RNF220: variants seen among roughly 807,000 people sequenced by gnomAD.
The protein encoded by RNF220 is E3 ubiquitin-protein ligase RNF220.
In RNF220, 7 loss-of-function variants were observed where a neutral mutation model predicts 67.1. The observed-to-expected ratio is 0.10, with a 90% CI of 0.06 to 0.20. The LOEUF is 0.20. Among genes scored for constraint, RNF220 ranks in the 10% least tolerant of loss-of-function variants. The pLI, the probability that RNF220 is intolerant of heterozygous loss-of-function variation, is 1.00. For synonymous variants in RNF220, 270 were observed against 283.2 expected (o/e 0.95, Z 0.47); for missense variants, 565 against 740.3 (o/e 0.76, Z 2.75).
rs567283260 is a variant in RNF220, at chr1:44,646,522, A to T, written c.1445+1034A>T. Among the ~76,000 whole-genome samples the T allele has an allele frequency of 2.6e-5, 4 of 152,302 alleles. No homozygotes were observed. The East Asian group carries it at 7.7e-4, about 29-fold the overall frequency. On this transcript the variant is annotated intron_variant, in intron 12 of 14. Transcript: ENST00000361799. ...TGTGGTGGGGAGGAATGACGTATGG[A>T]TGTTTATTTAATAATTCTCTCCTAC... is the stretch of plus-strand genomic sequence containing the variant.
At chr1:44,490,066 A>G (rs1656712944) in intron 2 of RNF220, among the ~76,000 whole-genome samples, 1 of 152,204 alleles carries the variant, frequency 6.6e-6, no homozygotes, top group South Asian at 2.1e-4. Flanking sequence ...TTGAATTTCT[A>G]TATTATTAAA....
At chr1:44,501,010 G>A (rs879621285) in intron 2 of RNF220, among the ~76,000 whole-genome samples, 9 of 151,584 alleles carry the variant, frequency 5.9e-5, no homozygotes, top group Non-Finnish European at 1.0e-4. Flanking sequence ...CCAACTGAGC[G>A]GGACCCAGCA....
Position 44,645,776 on chromosome 1 carries a change from G to A in RNF220, c.1445+288G>A, listed in dbSNP as rs1644626576. 2.6e-5 allele frequency among the ~76,000 whole-genome samples: 4 copies of A among 152,268 alleles called. No individual in the cohort carries two copies. Among genetic ancestry groups the A allele is most frequent in the Admixed American group, 2.6e-4 (4 of 15,294 alleles). Reference sequence around the variant, plus strand: ...GCGGCCTTCGCCCGGGGAATGTGATGTATGGCCGCCCAGCCCAGCCGGCAC... The same window carrying A: ...GCGGCCTTCGCCCGGGGAATGTGATATATGGCCGCCCAGCCCAGCCGGCAC... On this transcript the variant is annotated intron_variant, in intron 12 of 14. Coordinates refer to ENST00000361799, the MANE Select transcript of RNF220 (RefSeq NM_018150.4). The surrounding 1 kb of genome is among the most constrained non-coding windows in gnomAD (Gnocchi z 5.0).
At chr1:44,526,931 G>A (rs191509920) in intron 2 of RNF220, among the ~76,000 whole-genome samples, 103 of 151,998 alleles carry the variant, frequency 6.8e-4, no homozygotes, top group African/African-American at 2.3e-3. Context: ...TCATCTCTTT[G>A]GATCTTATCT....
At chr1:44,470,499 T>A (rs763664421) in intron 2 of RNF220, among the ~76,000 whole-genome samples, 1 of 152,238 alleles carries the variant, frequency 6.6e-6, no homozygotes, top group Non-Finnish European at 1.5e-5. Flanking sequence ...AATTCCCCCT[T>A]CTTCGAGACC....
intron 3 of RNF220, among the ~76,000 whole-genome samples, chr1:44,617,888 G>A (rs1254168924): frequency 1.4e-5 from 2 of 146,748 alleles, no homozygotes; most frequent in Non-Finnish European, 3.0e-5. Context: ...TCTCCTCTCT[G>A]CCCCAGCCCT....
chr1:44,408,100 G>A (rs923477819), intron 1 of RNF220, among the ~76,000 whole-genome samples: 1 of 152,202 alleles, frequency 6.6e-6, no homozygotes, highest in Non-Finnish European at 1.5e-5. Flanking sequence ...AAGAGTAGTG[G>A]GCTCGGCTCC....
intron 2 of RNF220, among the ~76,000 whole-genome samples, chr1:44,457,275 A>G (rs192619674): frequency 1.3e-5 from 2 of 152,348 alleles, no homozygotes; most frequent in African/African-American, 4.8e-5. Flanking sequence ...TAACATTTCA[A>G]TAGGGAAACA....
At chr1:44,510,600 G>A (rs971443149) in intron 2 of RNF220, among the ~76,000 whole-genome samples, 24 of 152,120 alleles carry the variant, frequency 1.6e-4, no homozygotes, top group African/African-American at 5.6e-4. Context: ...ACTGCTCAAA[G>A]AAGCCTTTCT....
chr1:44,458,082 C>A (rs150985062), intron 2 of RNF220, among the ~76,000 whole-genome samples: 2,458 of 146,010 alleles, frequency 0.017, 40 homozygotes, highest in South Asian at 0.05. Context: ...CATAGCAAGA[C>A]CCTCCCTCTA....
At chr1:44,408,938 G>A (rs573949587) in intron 1 of RNF220, 1 of 152,374 alleles carries the variant, frequency 6.6e-6, no homozygotes, top group South Asian at 2.1e-4. Flanking sequence ...GGACTGGGAT[G>A]GGAGATTACC....
At chr1:44,609,664 C>T (rs1459244225) in intron 2 of RNF220, among the ~76,000 whole-genome samples, 1 of 152,232 alleles carries the variant, frequency 6.6e-6, no homozygotes, top group Non-Finnish European at 1.5e-5. Flanking sequence ...CCCCGGGTAC[C>T]TGAGGCCTTG....
intron 2 of RNF220, among the ~76,000 whole-genome samples, chr1:44,535,482 T>C (rs1270159978): frequency 2.0e-5 from 3 of 152,190 alleles, no homozygotes; most frequent in Non-Finnish European, 4.4e-5. Context: ...CTCCCACTGA[T>C]GTTCCTTGCC....
Position 44,650,639 on chromosome 1 carries a change from C to A in RNF220, c.1630-65C>A. On this transcript the variant is annotated intron_variant, in intron 14 of 14. Transcript: ENST00000361799. This position sits in a 1 kb window ranked among gnomAD's most constrained non-coding sequence, Gnocchi z 4.3. Reference sequence around the variant, plus strand: ...GTGCAGAGAGACATGGCTGCAGGCCCAGGTGCTCACATGCGCACACATGGC... The same window carrying A: ...GTGCAGAGAGACATGGCTGCAGGCCAAGGTGCTCACATGCGCACACATGGC... The A allele has an allele frequency of 6.5e-7, 1 of 1,537,666 alleles. No homozygotes were observed. Among genetic ancestry groups the A allele is most frequent in the South Asian group, 1.1e-5 (1 of 89,474 alleles).
At chr1:44,582,772 A>AG (rs1665399767) in intron 2 of RNF220, among the ~76,000 whole-genome samples, 1 of 145,652 alleles carries the variant, frequency 6.9e-6, no homozygotes, top group Admixed American at 6.9e-5. Flanking sequence ...AAAAAAAAAA[A>AG]AGGCACTTTG....
intron 2 of RNF220, among the ~76,000 whole-genome samples, chr1:44,608,912 AGTGT>A (rs910707364): frequency 2.5e-4 from 38 of 152,318 alleles, no homozygotes; most frequent in African/African-American, 8.9e-4. Context: ...AAACTTTGCT[AGTGT>A]GTTACTGGAG....
intron 12 of RNF220, among the ~76,000 whole-genome samples, chr1:44,647,322 A>G (rs1644680615): frequency 6.6e-6 from 1 of 152,230 alleles, no homozygotes; most frequent in South Asian, 2.1e-4. Context: ...AAGGGAGCAC[A>G]GCTACAAATC....
At chr1:44,616,594 A>AC (rs1185723662) in intron 3 of RNF220, among the ~76,000 whole-genome samples, 3 of 150,034 alleles carry the variant, frequency 2.0e-5, no homozygotes, top group African/African-American at 7.4e-5. Context: ...CCCCATCCCT[A>AC]CCCCCCGCCC....
chr1:44,617,394 T>C (rs1467237165), intron 3 of RNF220, among the ~76,000 whole-genome samples: 1 of 152,200 alleles, frequency 6.6e-6, no homozygotes, highest in Admixed American at 6.5e-5. Context: ...GACTGTGGGC[T>C]GGACCGGCCC....
Sources: allele counts gnomAD v4.1 joint callset (sites outside exome capture counted in the v4.1 genomes callset), GRCh38; gene constraint gnomAD v4.1.1; non-coding constraint Gnocchi (gnomAD v3.1); transcripts MANE v1.5; gene names NCBI Gene and HGNC (gene_info 2026-07-23, HGNC 2026-07-21).